TMEM222: variants seen among roughly 807,000 people sequenced by gnomAD.
TMEM222 encodes chromosome 1 open reading frame 160.
In TMEM222, 18 loss-of-function variants were observed where a neutral mutation model predicts 25.1. The ratio of observed to expected loss-of-function variants is 0.72; its 90% CI spans 0.50 to 1.06. TMEM222 has a LOEUF of 1.06. Ranked by LOEUF, TMEM222 falls within the 50% of genes least tolerant of loss-of-function variation. The probability of loss-of-function intolerance (pLI) is 0.00; values close to 1 mark genes in which losing one functional copy is unlikely to be tolerated. For missense variants in TMEM222, 296 were observed against 293.7 expected (o/e 1.01, Z -0.06); for synonymous variants, 131 against 117.9 (o/e 1.11, Z -0.72).
At chr1:27,325,363 C>T in intron 1 of TMEM222, 1 of 895,934 alleles carries the variant, frequency 1.1e-6, no homozygotes. Flanking sequence ...GCCACTACCA[C>T]ATCCTCCTCC....
chr1:27,327,481 G>A (rs138337423), intron 1 of TMEM222, among the ~76,000 whole-genome samples: 113 of 152,254 alleles, frequency 7.4e-4, no homozygotes, highest in African/African-American at 2.5e-3. Flanking sequence ...CTCCGCCTCC[G>A]GGGTTCAAGT....
Position 27,327,614 on chromosome 1 carries a change from C to G in TMEM222, c.195-3106C>G, listed in dbSNP as rs1040722687. The stretch of plus-strand genomic sequence containing the variant: ...ATGTTTCCCAGGCTGGTCTCGAACT[C>G]CTGACCTCAAGTCATCCACCGGCCT... On this transcript the variant is annotated intron_variant, in intron 1 of 5. Coordinates refer to ENST00000374076, the MANE Select transcript of TMEM222 (RefSeq NM_032125.3). Among the ~76,000 whole-genome samples the G allele has an allele frequency of 2.0e-5, 3 of 152,328 alleles. No individual in the cohort carries two copies. In the East Asian group the frequency reaches 5.8e-4, roughly 29 times the overall value.
intron 5 of TMEM222, 55 bp downstream of exon 5, chr1:27,334,336 A>G: frequency 1.9e-6 from 3 of 1,610,100 alleles, no homozygotes; most frequent in South Asian, 2.2e-5. Context: ...TGCTCTCCCA[A>G]GGATCCTAGA....
At chr1:27,324,993 G>C (rs1557521120) in intron 1 of TMEM222, among the ~76,000 whole-genome samples, 1 of 152,174 alleles carries the variant, frequency 6.6e-6, no homozygotes, top group African/African-American at 2.4e-5. Context: ...GGCGGGGACA[G>C]ATCCAAACCA....
rs1351466335 is a variant in TMEM222, at chr1:27,335,895, T to C, written c.*429T>C. 5.0e-6 allele frequency: 1 copy of C among 198,506 alleles called. No individual in the cohort carries two copies. The highest frequency in any genetic ancestry group is 2.3e-5 in the African/African-American group (1 of 43,444). The allele number at this position is 198,506 out of a possible 1,614,324, so 12.3% of individuals were successfully genotyped here. A position where few individuals can be genotyped will look rare whatever the true frequency, so the allele number is the denominator to read the frequency against. ...GGGTGCACCGGGTACACTTAACGTG[T>C]CTCTATAAGCCAAGTTGCTTCAGGA... On this transcript the variant is annotated 3_prime_UTR_variant, in exon 6 of 6. Coordinates refer to ENST00000374076, the MANE Select transcript of TMEM222 (RefSeq NM_032125.3).
chr1:27,333,186 C>T (rs894397690), intron 3 of TMEM222: 4 of 380,808 alleles, frequency 1.1e-5, no homozygotes, highest in Non-Finnish European at 2.1e-5. Context: ...TAGCTGCCAG[C>T]ATTCCATCAC....
At chr1:27,332,623 C>T (rs1417029632) in intron 3 of TMEM222, 1 of 671,026 alleles carries the variant, frequency 1.5e-6, no homozygotes, top group Non-Finnish European at 2.7e-6. Flanking sequence ...CGGGTGCCCA[C>T]CTCAGCTGTG....
intron 1 of TMEM222, among the ~76,000 whole-genome samples, chr1:27,324,612 C>A (rs1384438422): frequency 6.6e-6 from 1 of 152,190 alleles, no homozygotes; most frequent in African/African-American, 2.4e-5. Flanking sequence ...ATGTTCCCTT[C>A]TGTGTTAGTC....
chr1:27,335,604 A>T lies in TMEM222; in HGVS notation c.*138A>T, dbSNP rs928865526. On this transcript the variant is annotated 3_prime_UTR_variant, in exon 6 of 6. Coordinates refer to ENST00000374076, the MANE Select transcript of TMEM222 (RefSeq NM_032125.3). ...TGGACCGGGGGTCGGGGCTGGCAGG[A>T]TGGAAGGACTGAGGACCAGCATGAA... 3.8e-6 allele frequency: 3 copies of T among 784,458 alleles called. No homozygotes were observed. The Admixed American group carries it at 6.8e-5, about 18-fold the overall frequency. 48.6% of individuals were successfully genotyped at this position (784,458 alleles called of 1,614,324 possible).
chr1:27,330,177 TC>T (rs902707948), intron 1 of TMEM222, among the ~76,000 whole-genome samples: 32 of 150,154 alleles, frequency 2.1e-4, no homozygotes, highest in African/African-American at 7.9e-4. Context: ...GGCACGTGGA[TC>T]ACGAGGTCAA....
At chr1:27,335,132 C>T (rs906803658) in intron 5 of TMEM222, 9 of 565,090 alleles carry the variant, frequency 1.6e-5, no homozygotes, top group Admixed American at 1.2e-4. Flanking sequence ...TGTTCCCAAC[C>T]AGCGAGGTGT....
At chr1:27,326,049 C>T (rs1285869775) in intron 1 of TMEM222, among the ~76,000 whole-genome samples, 1 of 152,158 alleles carries the variant, frequency 6.6e-6, no homozygotes, top group African/African-American at 2.4e-5. Flanking sequence ...TGCTTTCAAC[C>T]CTTAGTACAT....
chr1:27,325,891 C>T (rs1238678706), intron 1 of TMEM222: 14 of 737,792 alleles, frequency 1.9e-5, no homozygotes, highest in Non-Finnish European at 2.8e-5. Context: ...GCTAGCCTCA[C>T]GAAAATGGAA....
At chr1:27,323,083 C>G (rs879547664) in intron 1 of TMEM222, among the ~76,000 whole-genome samples, 9 of 152,184 alleles carry the variant, frequency 5.9e-5, no homozygotes, top group Admixed American at 1.3e-4. Flanking sequence ...AAACGTAACC[C>G]CTCCTCACCG....
At chr1:27,334,867 A>C in intron 5 of TMEM222, 21 of 1,040,964 alleles carry the variant, frequency 2.0e-5, no homozygotes, top group Non-Finnish European at 2.5e-5. Context: ...TGGCTTTTAG[A>C]AGTCCCCTGA....
intron 3 of TMEM222, 175 bp downstream of exon 3, chr1:27,332,276 G>A (rs926921594): frequency 2.0e-5 from 15 of 735,810 alleles, no homozygotes; most frequent in South Asian, 7.7e-5. Flanking sequence ...AGTGTGTACC[G>A]CACCAGCCCC....
intron 2 of TMEM222, 43 bp from the exon 3 acceptor site, chr1:27,332,027 A>G: frequency 2.5e-6 from 4 of 1,613,442 alleles, no homozygotes; most frequent in Non-Finnish European, 3.4e-6. Context: ...CATCTGGCCC[A>G]AATGTAAGTT....
chr1:27,325,416 A>G (rs1323592824), intron 1 of TMEM222: 33 of 1,135,968 alleles, frequency 2.9e-5, no homozygotes, highest in Non-Finnish European at 4.1e-5. Context: ...GGTCATCACC[A>G]TCAGCAACAA....
rs147429694 is a variant in TMEM222, at chr1:27,329,533, TGTAGCAGAA to T, written c.195-1184_195-1176del. On this transcript the variant is annotated intron_variant, in intron 1 of 5. Coordinates refer to ENST00000374076, the MANE Select transcript of TMEM222 (RefSeq NM_032125.3). ...TATGTCTGTGAAAGCCTGTGTTGTGTGTAGCAGAAGTGACACTGTTTTTCATTGTTATGG... is the reference window on the plus strand; with the variant it reads ...TATGTCTGTGAAAGCCTGTGTTGTGTGTGACACTGTTTTTCATTGTTATGG... 7.1e-3 allele frequency among the ~76,000 whole-genome samples: 1,079 copies of T among 152,348 alleles called. 17 individuals carry two copies. Among genetic ancestry groups the T allele is most frequent in the African/African-American group, 0.024 (1,007 of 41,584 alleles).
Sources: allele counts gnomAD v4.1 joint callset (sites outside exome capture counted in the v4.1 genomes callset), GRCh38; gene constraint gnomAD v4.1.1; transcripts MANE v1.5; gene names NCBI Gene and HGNC (gene_info 2026-07-23, HGNC 2026-07-21).